GRB14: variants seen among roughly 807,000 people sequenced by gnomAD.
GRB14 encodes growth factor receptor-bound protein 14.
In GRB14, 38 loss-of-function variants were observed where a neutral mutation model predicts 69.1. The observed-to-expected ratio is 0.55, with a 90% CI of 0.42 to 0.72. The LOEUF (loss-of-function observed/expected upper bound fraction) is 0.72, where lower values mean the gene tolerates loss of function less well. Ranked by LOEUF, GRB14 falls within the 30% of genes least tolerant of loss-of-function variation. The pLI is 0.00. For missense variants in GRB14, 666 were observed against 666.1 expected (o/e 1.00, Z 0.00); for synonymous variants, 247 against 241.3 (o/e 1.02, Z -0.22).
At chr2:164,559,207 C>G (rs902159775) in intron 2 of GRB14, among the ~76,000 whole-genome samples, 2 of 152,126 alleles carry the variant, frequency 1.3e-5, no homozygotes, top group Non-Finnish European at 2.9e-5. Flanking sequence ...CATGCAGTAA[C>G]AAACACTGGG....
intron 2 of GRB14, 138 bp downstream of exon 2, chr2:164,619,549 G>A: frequency 3.3e-6 from 2 of 603,242 alleles, no homozygotes; most frequent in Non-Finnish European, 5.7e-6. Context: ...AATGCCAAAG[G>A]ACCATGTCAG....
intron 2 of GRB14, among the ~76,000 whole-genome samples, chr2:164,570,275 TAAAAAAAAAAAAAA>T (rs35918859): frequency 5.2e-5 from 3 of 57,210 alleles, no homozygotes; most frequent in Non-Finnish European, 9.9e-5. Context: ...AGACTCCATC[TAAAAAAAAAAAAAA>T]AAAAAAAAAA....
chr2:164,599,014 T>C (rs1363747566), intron 2 of GRB14, among the ~76,000 whole-genome samples: 3 of 152,202 alleles, frequency 2.0e-5, no homozygotes, highest in Non-Finnish European at 4.4e-5. Context: ...CTGTTCTACA[T>C]GGTGTCAGTG....
chr2:164,507,267 GA>G (rs977804539), intron 8 of GRB14, among the ~76,000 whole-genome samples: 2 of 151,916 alleles, frequency 1.3e-5, no homozygotes, highest in African/African-American at 4.8e-5. Flanking sequence ...AAAGGCAGAA[GA>G]AAAAAAGTAC....
chr2:164,521,911 C>A, intron 6 of GRB14, 69 bp downstream of exon 6: 1 of 1,342,788 alleles, frequency 7.4e-7, no homozygotes, highest in Non-Finnish European at 1.0e-6. Context: ...ATAAATACAA[C>A]AAAGTCAACG....
intron 2 of GRB14, among the ~76,000 whole-genome samples, chr2:164,571,952 G>C (rs906445731): frequency 1.3e-5 from 2 of 152,058 alleles, no homozygotes; most frequent in Non-Finnish European, 2.9e-5. Flanking sequence ...TGTTCCTGAC[G>C]TACCCAAGCA....
At chr2:164,548,512 T>A (rs191278811) in intron 2 of GRB14, among the ~76,000 whole-genome samples, 8 of 152,314 alleles carry the variant, frequency 5.3e-5, no homozygotes, top group African/African-American at 1.9e-4. Context: ...AATGCTGCAA[T>A]GAACATGGGA....
chr2:164,500,175 A>T (rs1320752781), intron 9 of GRB14, among the ~76,000 whole-genome samples: 1 of 152,086 alleles, frequency 6.6e-6, no homozygotes, highest in Non-Finnish European at 1.5e-5. Context: ...ATATTGATAA[A>T]TGCTCCTTTA....
chr2:164,505,214 T>C (rs1013916729), intron 8 of GRB14, among the ~76,000 whole-genome samples: 1 of 152,170 alleles, frequency 6.6e-6, no homozygotes, highest in African/African-American at 2.4e-5. Context: ...GGGAATCTGA[T>C]TGAAAGATGC....
At chr2:164,609,350 G>A (rs1486781230) in intron 2 of GRB14, among the ~76,000 whole-genome samples, 3 of 152,120 alleles carry the variant, frequency 2.0e-5, no homozygotes, top group African/African-American at 4.8e-5. Flanking sequence ...GCTCTCCTAC[G>A]GGATCAACTG....
intron 6 of GRB14, 111 bp downstream of exon 6, chr2:164,521,869 A>C: frequency 1.0e-6 from 1 of 1,003,798 alleles, no homozygotes; most frequent in Non-Finnish European, 1.5e-6. Flanking sequence ...AAGAAAATCA[A>C]AGACCAACCT....
intron 3 of GRB14, among the ~76,000 whole-genome samples, chr2:164,534,021 C>T (rs893062858): frequency 6.6e-6 from 1 of 152,118 alleles, no homozygotes; most frequent in Non-Finnish European, 1.5e-5. Context: ...AAGAAAAATA[C>T]ATCTTTTAAA....
At chr2:164,599,048 C>G (rs562722284) in intron 2 of GRB14, among the ~76,000 whole-genome samples, 19 of 152,176 alleles carry the variant, frequency 1.2e-4, no homozygotes, top group Non-Finnish European at 2.4e-4. Flanking sequence ...CTAAAAGGCA[C>G]GCAGCTGGTG....
intron 6 of GRB14, among the ~76,000 whole-genome samples, chr2:164,518,608 T>G (rs1297193128): frequency 1.3e-5 from 2 of 151,850 alleles, no homozygotes; most frequent in African/African-American, 2.4e-5. Flanking sequence ...TAAATAAAAT[T>G]GATAGACCAT....
chr2:164,507,365 C>T (rs1276362165), intron 8 of GRB14, among the ~76,000 whole-genome samples: 1 of 152,184 alleles, frequency 6.6e-6, no homozygotes, highest in African/African-American at 2.4e-5. Flanking sequence ...AACCTAAGGA[C>T]TTCACAGTGC....
Position 164,539,586 on chromosome 2 carries a change from C to T in GRB14, c.481+8074G>A, listed in dbSNP as rs550043101. Among the ~76,000 whole-genome samples, 11 of 152,280 alleles carry T rather than the reference C, an allele frequency of 7.2e-5. No homozygotes were observed. The East Asian group carries it at 2.1e-3, about 29-fold the overall frequency. On this transcript the variant is annotated intron_variant, in intron 3 of 13. Transcript: ENST00000263915. ...ACATTTTGAATTTCAAGTATTCCCCCTTCTGCTTTTAGTAGCTTGTGATAT... is the reference window on the plus strand; with the variant it reads ...ACATTTTGAATTTCAAGTATTCCCCTTTCTGCTTTTAGTAGCTTGTGATAT...
intron 3 of GRB14, among the ~76,000 whole-genome samples, chr2:164,537,563 C>G (rs912949971): frequency 6.6e-6 from 1 of 152,140 alleles, no homozygotes. Context: ...CAAAAAGAAT[C>G]AGGTCTGCAT....
chr2:164,577,702 A>G (rs554148325), intron 2 of GRB14, among the ~76,000 whole-genome samples: 2 of 152,322 alleles, frequency 1.3e-5, no homozygotes, highest in South Asian at 4.1e-4. Flanking sequence ...AACTGTAGTT[A>G]GCCAATTTTT....
At chr2:164,521,092 T>C (rs1353784260) in intron 6 of GRB14, among the ~76,000 whole-genome samples, 2 of 152,004 alleles carry the variant, frequency 1.3e-5, no homozygotes, top group Non-Finnish European at 2.9e-5. Flanking sequence ...ATTGCAAAAA[T>C]ATGGAACCAG....
Sources: allele counts gnomAD v4.1 joint callset (sites outside exome capture counted in the v4.1 genomes callset), GRCh38; gene constraint gnomAD v4.1.1; transcripts MANE v1.5; gene names NCBI Gene and HGNC (gene_info 2026-07-23, HGNC 2026-07-21).